PPARGC1A: variants seen among roughly 807,000 people sequenced by gnomAD.
The protein encoded by PPARGC1A is PPARG coactivator 1 alpha.
Under a neutral mutation model 88.7 loss-of-function variants are expected in PPARGC1A, and 25 were observed. The observed-to-expected ratio is 0.28, with a 90% CI of 0.21 to 0.39. The LOEUF (loss-of-function observed/expected upper bound fraction) is 0.39, where lower values mean the gene tolerates loss of function less well. PPARGC1A is among the 10% of genes least tolerant of loss of function. The probability of loss-of-function intolerance (pLI) is 1.00; values close to 1 mark genes in which losing one functional copy is unlikely to be tolerated. For missense variants in PPARGC1A, 880 were observed against 968.7 expected (o/e 0.91, Z 1.22); for synonymous variants, 363 against 355.6 (o/e 1.02, Z -0.24).
the PPARGC1A span, among the ~76,000 whole-genome samples, chr4:24,122,035 G>C: frequency 6.6e-6 from 1 of 152,034 alleles, no homozygotes; most frequent in Admixed American, 6.6e-5. Context: ...GGGATGAGCT[G>C]GATAAACAGA....
chr4:24,050,417 C>G, the PPARGC1A span, among the ~76,000 whole-genome samples: 2 of 151,902 alleles, frequency 1.3e-5, no homozygotes, highest in Non-Finnish European at 2.9e-5. Context: ...AGGGTGGTCT[C>G]TAGCTCCTGA....
chr4:24,339,237 T>C, the PPARGC1A span, among the ~76,000 whole-genome samples: 71,769 of 104,354 alleles, frequency 0.69, 23,986 homozygotes, highest in East Asian at 0.81. Flanking sequence ...TATATATATA[T>C]ACACACACAC....
chr4:24,278,692 G>T, the PPARGC1A span, among the ~76,000 whole-genome samples: 2 of 152,094 alleles, frequency 1.3e-5, no homozygotes, highest in Non-Finnish European at 2.9e-5. Context: ...TCCAAGCAAA[G>T]GTCAGCTTTG....
chr4:23,857,400 T>C (rs568176719), intron 2 of PPARGC1A, among the ~76,000 whole-genome samples: 106 of 146,652 alleles, frequency 7.2e-4, no homozygotes, highest in African/African-American at 2.6e-3. Flanking sequence ...ACGTACTAAA[T>C]AGATTTTATG....
the PPARGC1A span, among the ~76,000 whole-genome samples, chr4:24,185,457 T>TA: frequency 2.0e-5 from 3 of 152,196 alleles, no homozygotes; most frequent in Non-Finnish European, 1.5e-5. Context: ...TGCTCATCTA[T>TA]AAAATTGCAG....
chr4:24,433,525 ACT>A, the PPARGC1A span, among the ~76,000 whole-genome samples: 1 of 151,790 alleles, frequency 6.6e-6, no homozygotes, highest in Non-Finnish European at 1.5e-5. Flanking sequence ...GGGCATATAA[ACT>A]CTCATTTTGA....
chr4:24,005,969 G>T, the PPARGC1A span, among the ~76,000 whole-genome samples: 2 of 152,188 alleles, frequency 1.3e-5, no homozygotes, highest in Non-Finnish European at 2.9e-5. Context: ...GCTGGTTACA[G>T]ATCCAGAACT....
At chr4:23,948,011 T>G in the PPARGC1A span, among the ~76,000 whole-genome samples, 1 of 152,134 alleles carries the variant, frequency 6.6e-6, no homozygotes, top group Non-Finnish European at 1.5e-5. Context: ...CCACTCAGCT[T>G]AAGTTTCCAT....
the PPARGC1A span, among the ~76,000 whole-genome samples, chr4:24,384,141 T>C: frequency 2.0e-5 from 3 of 152,112 alleles, no homozygotes; most frequent in Admixed American, 1.3e-4. Context: ...CTAAGCTTCA[T>C]AAGTGAAGGA....
chr4:23,933,193 A>G, the PPARGC1A span, among the ~76,000 whole-genome samples: 1 of 152,268 alleles, frequency 6.6e-6, no homozygotes, highest in South Asian at 2.1e-4. Context: ...GGAACAGAAA[A>G]CAACCACAAA....
the PPARGC1A span, among the ~76,000 whole-genome samples, chr4:24,312,267 A>G: frequency 6.6e-6 from 1 of 152,178 alleles, no homozygotes; most frequent in Non-Finnish European, 1.5e-5. Context: ...CTTCTTGCCT[A>G]TAAAAGCTTC....
chr4:24,153,564 G>A, the PPARGC1A span, among the ~76,000 whole-genome samples: 1 of 152,198 alleles, frequency 6.6e-6, no homozygotes, highest in Admixed American at 6.5e-5. Flanking sequence ...TAGGAAATAT[G>A]AGGATAACTA....
chr4:23,951,227 A>G, the PPARGC1A span, among the ~76,000 whole-genome samples: 1 of 152,104 alleles, frequency 6.6e-6, no homozygotes, highest in Admixed American at 6.6e-5. Flanking sequence ...TTTCCTATGA[A>G]GAATGCTGGG....
the PPARGC1A span, among the ~76,000 whole-genome samples, chr4:24,019,712 A>G: frequency 1.3e-5 from 2 of 152,232 alleles, no homozygotes; most frequent in African/African-American, 4.8e-5. Context: ...AAAATAAGCA[A>G]AAGACCTGGG....
chr4:23,947,194 G>T, the PPARGC1A span, among the ~76,000 whole-genome samples: 1 of 151,710 alleles, frequency 6.6e-6, no homozygotes, highest in East Asian at 1.9e-4. Flanking sequence ...AGATGACAAT[G>T]ATGATTCCAC....
At chr4:23,829,161 A>T (rs1431299475) in intron 4 of PPARGC1A, among the ~76,000 whole-genome samples, 1 of 152,226 alleles carries the variant, frequency 6.6e-6, no homozygotes, top group African/African-American at 2.4e-5. Context: ...CTCATAGATA[A>T]TACCAGCTTA....
chr4:24,137,862 G>A, the PPARGC1A span, among the ~76,000 whole-genome samples: 1 of 152,070 alleles, frequency 6.6e-6, no homozygotes, highest in African/African-American at 2.4e-5. Flanking sequence ...TCAAACAAGA[G>A]CTAACCCGTT....
chr4:23,818,378 T>A (rs951198916), intron 7 of PPARGC1A, among the ~76,000 whole-genome samples: 3 of 152,154 alleles, frequency 2.0e-5, no homozygotes, highest in African/African-American at 7.2e-5. Context: ...AGACTATAGC[T>A]TTTTTATTGC....
intron 10 of PPARGC1A, among the ~76,000 whole-genome samples, chr4:23,802,676 CAAA>C (rs397823520): frequency 2.3e-4 from 6 of 26,128 alleles, no homozygotes; most frequent in African/African-American, 7.0e-4. Flanking sequence ...GACTCCATCT[CAAA>C]AAAAAAAAAA....
Sources: gnomAD v4.1 joint callset for allele counts (sites outside exome capture counted in the v4.1 genomes callset) on GRCh38, gnomAD v4.1.1 for gene constraint, MANE v1.5 for transcripts, NCBI Gene and HGNC (gene_info 2026-07-23, HGNC 2026-07-21) for gene names.